SLC25A40: variants seen among roughly 807,000 people sequenced by gnomAD.
The protein encoded by SLC25A40 is mitochondrial glutathione transporter SLC25A40.
In SLC25A40, 41 loss-of-function variants were observed where a neutral mutation model predicts 46.5. The observed-to-expected ratio is 0.88, with a 90% CI of 0.69 to 1.14. The LOEUF is 1.14. SLC25A40 is among the 50% of genes most tolerant of loss of function. The pLI, the probability that SLC25A40 is intolerant of heterozygous loss-of-function variation, is 0.00. For synonymous variants in SLC25A40, 126 were observed against 127.5 expected (o/e 0.99, Z 0.08); for missense variants, 386 against 393.6 (o/e 0.98, Z 0.16).
intron 11 of SLC25A40, 80 bp from the exon 12 acceptor site, chr7:87,836,441 CT>C: frequency 1.1e-6 from 1 of 905,440 alleles, no homozygotes; most frequent in Admixed American, 3.7e-5. Flanking sequence ...TGGCTTTATT[CT>C]GATAATTATC....
intron 1 of SLC25A40, among the ~76,000 whole-genome samples, chr7:87,873,433 T>C (rs1005181644): frequency 1.3e-5 from 2 of 148,770 alleles, no homozygotes; most frequent in African/African-American, 5.0e-5. Flanking sequence ...GGTTAACTTT[T>C]TTTTTTTTTT....
chr7:87,866,207 G>C (rs748503345), intron 1 of SLC25A40, among the ~76,000 whole-genome samples: 1 of 151,956 alleles, frequency 6.6e-6, no homozygotes, highest in Non-Finnish European at 1.5e-5. Flanking sequence ...TCCCTTTAGC[G>C]TTTCTTGTAA....
chr7:87,849,064 G>A (rs567781529), intron 6 of SLC25A40, among the ~76,000 whole-genome samples: 10 of 152,026 alleles, frequency 6.6e-5, no homozygotes, highest in South Asian at 6.2e-4. Context: ...TCATGTAATC[G>A]CCAGGCAGTA....
In SLC25A40 at chr7:87,875,589, T is replaced by A. The variant is rs115678858; in HGVS notation, c.-94+507A>T. ...GAGAGGCATGTTCCAACTTATAAAA[T>A]TAAAATATATTCACAAGCATTTTAA... On this transcript the variant is annotated intron_variant, in intron 1 of 11. Coordinates refer to ENST00000341119, the MANE Select transcript of SLC25A40 (RefSeq NM_018843.4). Among the ~76,000 whole-genome samples, 337 of 151,256 alleles carry A rather than the reference T, an allele frequency of 2.2e-3. 1 individual carries two copies. Among genetic ancestry groups the A allele is most frequent in the African/African-American group, 7.4e-3 (303 of 41,154 alleles).
At chr7:87,861,200 A>C (rs1838693016) in intron 1 of SLC25A40, among the ~76,000 whole-genome samples, 2 of 152,198 alleles carry the variant, frequency 1.3e-5, no homozygotes, top group Admixed American at 1.3e-4. Context: ...TTTGAATCAA[A>C]GGTGGGAAAA....
intron 8 of SLC25A40, among the ~76,000 whole-genome samples, chr7:87,846,344 T>A (rs1838420289): frequency 1.3e-5 from 2 of 152,316 alleles, no homozygotes; most frequent in South Asian, 4.1e-4. Flanking sequence ...TAGATAAGTA[T>A]TTCTTTTGGG....
chr7:87,841,143 G>C (rs1375575042), intron 10 of SLC25A40, among the ~76,000 whole-genome samples: 1 of 147,854 alleles, frequency 6.8e-6, no homozygotes, highest in Non-Finnish European at 1.5e-5. Flanking sequence ...ATGTGTGTGT[G>C]TGTGTGTGTG....
chr7:87,861,534 T>C (rs1437009819), intron 1 of SLC25A40, among the ~76,000 whole-genome samples: 1 of 152,196 alleles, frequency 6.6e-6, no homozygotes, highest in Non-Finnish European at 1.5e-5. Context: ...TGTAAACATA[T>C]ACCATATTTC....
chr7:87,871,578 C>T (rs1284679728), intron 1 of SLC25A40, among the ~76,000 whole-genome samples: 1 of 152,192 alleles, frequency 6.6e-6, no homozygotes, highest in Non-Finnish European at 1.5e-5. Flanking sequence ...CAGGTAGTAT[C>T]TATTGAGATG....
intron 1 of SLC25A40, among the ~76,000 whole-genome samples, chr7:87,872,165 ATCT>A (rs768943220): frequency 4.6e-5 from 7 of 152,306 alleles, no homozygotes; most frequent in Non-Finnish European, 7.3e-5. Context: ...TTCTTACATA[ATCT>A]TCTTACTTTT....
Position 87,833,645 on chromosome 7 carries a change from T to C in SLC25A40, c.*2604A>G, listed in dbSNP as rs1467198345. 2.0e-5 allele frequency: 3 copies of C among 151,912 alleles called. No individual in the cohort carries two copies. The highest frequency in any genetic ancestry group is 4.4e-5 in the Non-Finnish European group (3 of 67,926). 9.4% of individuals were successfully genotyped at this position (151,912 alleles called of 1,614,324 possible). A position where few individuals can be genotyped will look rare whatever the true frequency, so the allele number is the denominator to read the frequency against. ...AAGGGATACAATAAACTTTTCCATA[T>C]CCCAAAAACTTGTGCCCAAGACAAA... On this transcript the variant is annotated 3_prime_UTR_variant, in exon 12 of 12. Transcript: ENST00000341119.
At position 87,870,207 on chromosome 7, in the gene SLC25A40, T is replaced by C. The variant is rs553329384; in HGVS notation, c.-94+5889A>G. Among the ~76,000 whole-genome samples the C allele has an allele frequency of 9.9e-5, 15 of 151,572 alleles. No individual in the cohort carries two copies. The South Asian group carries it at 2.9e-3, about 30-fold the overall frequency. Reference sequence around the variant, plus strand: ...TTGGATACTAGATCCTTACCAGATATATTAGATGCAAAATAGCTTATTTTG... The same window carrying C: ...TTGGATACTAGATCCTTACCAGATACATTAGATGCAAAATAGCTTATTTTG... On this transcript the variant is annotated intron_variant, in intron 1 of 11. Transcript: ENST00000341119.
At chr7:87,859,146 TGAAC>T (rs1195441114) in intron 2 of SLC25A40, among the ~76,000 whole-genome samples, 1 of 152,164 alleles carries the variant, frequency 6.6e-6, no homozygotes, top group Non-Finnish European at 1.5e-5. Context: ...AAATAACTTA[TGAAC>T]TTACTATTCA....
chr7:87,875,057 T>C (rs1327988837), intron 1 of SLC25A40, among the ~76,000 whole-genome samples: 1 of 152,206 alleles, frequency 6.6e-6, no homozygotes, highest in Non-Finnish European at 1.5e-5. Context: ...GAAATTACAA[T>C]ATTGAATATG....
intron 5 of SLC25A40, among the ~76,000 whole-genome samples, chr7:87,852,266 G>A (rs1021211165): frequency 2.7e-4 from 41 of 151,912 alleles, no homozygotes; most frequent in African/African-American, 8.9e-4. Flanking sequence ...TGGGAATAGC[G>A]AAAACAACTT....
chr7:87,836,761 A>G lies in SLC25A40; in HGVS notation c.873T>C (p.Val291=). The change falls in exon 11 of 12, where the codon GTT becomes GTC. Residue 291 remains valine (V), a synonymous_variant. Coordinates refer to ENST00000341119, the MANE Select transcript of SLC25A40 (RefSeq NM_018843.4). ...ATAATCCGGAAAATCCATTTTTAGC[A>G]ACAATGTTCTTCATTATAATCCAGG... ...MSTWIIMKNI[V]AKNGFSGLFS... The G allele has an allele frequency of 6.5e-7, 1 of 1,548,010 alleles. No individual in the cohort carries two copies. Among genetic ancestry groups the G allele is most frequent in the Non-Finnish European group, 8.7e-7 (1 of 1,151,992 alleles).
chr7:87,861,056 G>T (rs1163059808), intron 1 of SLC25A40, among the ~76,000 whole-genome samples: 1 of 152,128 alleles, frequency 6.6e-6, no homozygotes, highest in Non-Finnish European at 1.5e-5. Flanking sequence ...TCTTTAATCT[G>T]AATCTGAAAC....
rs374246216 is a variant in SLC25A40 at position 87,847,007 on chromosome 7, A to G, written c.573T>C (p.Gly191=). The G allele has an allele frequency of 1.7e-5, 28 of 1,613,808 alleles. No individual in the cohort carries two copies. In the African/African-American group the frequency reaches 2.4e-4, roughly 14 times the overall value. The change falls in exon 8 of 12, where the codon GGT becomes GGC. Residue 191 remains glycine, a synonymous_variant. Transcript: ENST00000341119. The stretch of plus-strand genomic sequence containing the variant: ...CCCAGCCCCTCCAAAGGGAAATCCA[A>G]CCATCTTCAGATACTTTCTTGCTGA... ...RFVSKKVSED[G]WISLWRGWAP... is the part of the protein sequence containing the mutation.
At chr7:87,849,825 T>C in intron 6 of SLC25A40, 56 bp downstream of exon 6, 1 of 1,251,864 alleles carries the variant, frequency 8.0e-7, no homozygotes, top group Non-Finnish European at 1.1e-6. Flanking sequence ...CCATGCTGAT[T>C]ATAGGATAAA....
Sources: gnomAD v4.1 joint callset for allele counts (sites outside exome capture counted in the v4.1 genomes callset) on GRCh38, gnomAD v4.1.1 for gene constraint, MANE v1.5 for transcripts, NCBI Gene and HGNC (gene_info 2026-07-23, HGNC 2026-07-21) for gene names.